DYSF: variants seen among roughly 807,000 people sequenced by gnomAD.
DYSF encodes the protein dystrophy-associated fer-1-like 1.
Under a neutral mutation model 274.9 loss-of-function variants are expected in DYSF, and 212 were observed. That is an observed-to-expected ratio of 0.77 (90% confidence interval 0.69 to 0.86). DYSF has a LOEUF of 0.86. Among genes scored for constraint, DYSF ranks in the 40% least tolerant of loss-of-function variants. The pLI is 0.00. For synonymous variants in DYSF, 1,091 were observed against 1,078.7 expected (o/e 1.01, Z -0.22); for missense variants, 2,666 against 2,783.2 (o/e 0.96, Z 0.95).
At chr2:71,600,358 G>A (rs775279575) in intron 33 of DYSF, among the ~76,000 whole-genome samples, 3 of 152,352 alleles carry the variant, frequency 2.0e-5, no homozygotes, top group Non-Finnish European at 2.9e-5. Context: ...ACTGCTGAGC[G>A]CATTAGAGAA....
At chr2:71,670,136 C>T (rs1232683033) in intron 51 of DYSF, among the ~76,000 whole-genome samples, 1 of 152,204 alleles carries the variant, frequency 6.6e-6, no homozygotes, top group Non-Finnish European at 1.5e-5. Flanking sequence ...TCTGCATCCA[C>T]CCCTTTTCCA....
intron 22 of DYSF, among the ~76,000 whole-genome samples, chr2:71,558,881 C>T (rs112121470): frequency 1.3e-5 from 2 of 152,248 alleles, no homozygotes; most frequent in South Asian, 4.1e-4. Flanking sequence ...ACTGAGTGGC[C>T]CAGCACCTCA....
At chr2:71,551,437 T>G (rs1221444043) in intron 18 of DYSF, among the ~76,000 whole-genome samples, 170 bp from the exon 19 acceptor site, 1 of 152,160 alleles carries the variant, frequency 6.6e-6, no homozygotes, top group Non-Finnish European at 1.5e-5. Flanking sequence ...GCTTGTCATA[T>G]CCCCCGAACT....
chr2:71,618,576 G>GGA (rs2093999282), intron 40 of DYSF, among the ~76,000 whole-genome samples: 1 of 116,700 alleles, frequency 8.6e-6, no homozygotes, highest in African/African-American at 2.8e-5. Flanking sequence ...GTTTGTGTGG[G>GGA]GTAGAGTTGT....
chr2:71,669,173 A>T lies in DYSF; in HGVS notation c.5608A>T (p.Thr1870Ser), dbSNP rs765853543. 2.5e-6 allele frequency: 4 copies of T among 1,610,616 alleles called. No homozygotes were observed. In the Admixed American group the frequency reaches 5.0e-5, roughly 20 times the overall value. The change falls in exon 50 of 56, where the codon ACG (threonine) becomes TCG (serine). Residue 1870 changes from threonine to serine, a missense_variant. By Grantham distance (58) the Thr-to-Ser change is moderately conservative. This residue lies in a region of DYSF where 1,460 missense variants were observed against 1,502.1 expected (regional missense o/e 0.97). Coordinates refer to ENST00000410020, the MANE Select transcript of DYSF (RefSeq NM_001130987.2). ...RDVILDDLSL[T>S]GEKMSDIYVK... ...TGTGATCCTGGATGACCTGAGCCTC[A>T]CGGGGGAGAAGATGAGCGACATTTA...
chr2:71,641,226 G>T (rs1399004672), intron 41 of DYSF, among the ~76,000 whole-genome samples: 2 of 135,032 alleles, frequency 1.5e-5, no homozygotes, highest in African/African-American at 5.7e-5. Flanking sequence ...TGGCCCAGGT[G>T]GGAGTGCAGT....
In DYSF at chr2:71,570,968, A is replaced by ACC. The variant is rs1159580548; in HGVS notation, c.3228+228_3228+229insCC. The stretch of plus-strand genomic sequence containing the variant: ...TACCCAAAGATCACACCCAGCATAC[A>ACC]CACAGATCACACCCAGCACACAGAT... On this transcript the variant is annotated intron_variant, in intron 29 of 55. Coordinates refer to ENST00000410020, the MANE Select transcript of DYSF (RefSeq NM_001130987.2). The ACC allele has an allele frequency of 7.1e-3, 4,211 of 589,808 alleles. 50 individuals are homozygous for ACC. The highest frequency in any genetic ancestry group is 0.014 in the Middle Eastern group (28 of 2,074). The allele number at this position is 589,808 out of a possible 1,614,324, so 36.5% of individuals were successfully genotyped here.
intron 1 of DYSF, among the ~76,000 whole-genome samples, chr2:71,470,507 C>A (rs2081926086): frequency 6.6e-6 from 1 of 151,622 alleles, no homozygotes; most frequent in Non-Finnish European, 1.5e-5. Context: ...CCTGTCTCTA[C>A]TAAAAATACA....
intron 51 of DYSF, among the ~76,000 whole-genome samples, chr2:71,671,569 GT>G (rs1406383072): frequency 1.3e-5 from 2 of 152,242 alleles, no homozygotes; most frequent in Non-Finnish European, 2.9e-5. Context: ...AGGAGTGGCT[GT>G]TTTGTCTCTG....
chr2:71,648,457 A>G (rs367657510), intron 42 of DYSF, among the ~76,000 whole-genome samples: 10 of 152,354 alleles, frequency 6.6e-5, no homozygotes, highest in African/African-American at 2.4e-4. Flanking sequence ...AAAGGAACAA[A>G]GAGAAAATGA....
intron 54 of DYSF, among the ~76,000 whole-genome samples, 187 bp from the exon 55 acceptor site, chr2:71,682,343 T>C (rs1278005474): frequency 6.6e-6 from 1 of 151,684 alleles, no homozygotes; most frequent in East Asian, 1.9e-4. Flanking sequence ...GTGGGGGTGA[T>C]ACTGTAGCAA....
intron 47 of DYSF, among the ~76,000 whole-genome samples, 187 bp from the exon 48 acceptor site, chr2:71,667,189 G>A (rs2095029351): frequency 6.6e-6 from 1 of 152,190 alleles, no homozygotes; most frequent in South Asian, 2.1e-4. Flanking sequence ...CTAGTGGACA[G>A]CAAGATTTCC....
intron 3 of DYSF, 109 bp from the exon 4 acceptor site, chr2:71,503,105 T>C: frequency 1.0e-6 from 1 of 958,504 alleles, no homozygotes; most frequent in Non-Finnish European, 1.7e-6. Context: ...TGGGTGACTG[T>C]GTGGTCTAGG....
intron 24 of DYSF, 30 bp downstream of exon 24, chr2:71,564,243 C>T (rs372382103): frequency 1.7e-5 from 28 of 1,613,816 alleles, no homozygotes; most frequent in South Asian, 3.3e-5. Flanking sequence ...AAGTCATGAT[C>T]GTATTTTTCC....
chr2:71,638,985 C>T (rs1276749305), intron 41 of DYSF, among the ~76,000 whole-genome samples: 1 of 152,200 alleles, frequency 6.6e-6, no homozygotes, highest in Non-Finnish European at 1.5e-5. Context: ...TATGTCTTCA[C>T]CAACACTTAT....
chr2:71,551,140 A>T lies in DYSF; in HGVS notation c.1676A>T (p.Glu559Val). The stretch of plus-strand genomic sequence containing the variant: ...ACAGGCTTCCCAGACCCCTACACAG[A>T]GCTCAACACAGGCAAGGTAAGCCGG... ...EFTGFPDPYT[E>V]LNTGKGEGVA... The change falls in exon 18 of 56, where the codon GAG (glutamate) becomes GTG (valine). Residue 559 changes from glutamate to valine, a missense_variant. By Grantham distance (121) the Glu-to-Val change is moderately radical. Transcript: ENST00000410020. The T allele has an allele frequency of 6.2e-7, 1 of 1,614,126 alleles. No individual in the cohort carries two copies.
intron 1 of DYSF, among the ~76,000 whole-genome samples, chr2:71,480,059 A>G (rs529416357): frequency 4.6e-5 from 7 of 152,280 alleles, no homozygotes; most frequent in African/African-American, 1.7e-4. Flanking sequence ...CCATTAATCA[A>G]TCACGTCCCC....
chr2:71,479,685 T>C (rs1218341035), intron 1 of DYSF, among the ~76,000 whole-genome samples: 1 of 152,162 alleles, frequency 6.6e-6, no homozygotes, highest in Non-Finnish European at 1.5e-5. Flanking sequence ...ACTTGCCCCT[T>C]CATGCCCACT....
At chr2:71,501,500 G>C (rs2084967896) in intron 3 of DYSF, among the ~76,000 whole-genome samples, 1 of 152,176 alleles carries the variant, frequency 6.6e-6, no homozygotes, top group Non-Finnish European at 1.5e-5. Context: ...ATGTCATGCA[G>C]TCATTCCCAC....
Sources: gnomAD v4.1 joint callset for allele counts (sites outside exome capture counted in the v4.1 genomes callset) on GRCh38, gnomAD v4.1.1 for gene constraint, gnomAD v4.1.1 regional missense constraint, MANE v1.5 for transcripts, NCBI Gene and HGNC (gene_info 2026-07-23, HGNC 2026-07-21) for gene names.